Variants in CACNG3 observed in about 807,000 individuals in gnomAD.
CACNG3 encodes the protein calcium voltage-gated channel auxiliary subunit gamma 3.
In CACNG3, 3 loss-of-function variants were observed where a neutral mutation model predicts 28.5. The ratio of observed to expected loss-of-function variants is 0.11; its 90% CI spans 0.05 to 0.27. CACNG3 has a LOEUF of 0.27. CACNG3 is among the 10% of genes least tolerant of loss of function. The probability of loss-of-function intolerance (pLI) is 1.00; values close to 1 mark genes in which losing one functional copy is unlikely to be tolerated. For synonymous variants in CACNG3, 174 were observed against 162.2 expected (o/e 1.07, Z -0.55); for missense variants, 236 against 414.4 (o/e 0.57, Z 3.74).
intron 1 of CACNG3, among the ~76,000 whole-genome samples, chr16:24,341,758 G>A (rs576444604): frequency 6.6e-6 from 1 of 152,144 alleles, no homozygotes; most frequent in African/African-American, 2.4e-5. Flanking sequence ...TTCGGGGGTT[G>A]CAAACTCAAA....
intron 1 of CACNG3, among the ~76,000 whole-genome samples, chr16:24,327,914 A>T (rs1899579516): frequency 6.6e-6 from 1 of 152,096 alleles, no homozygotes. Context: ...TGCACTCCTG[A>T]GTGTCACAGA....
Position 24,354,945 on chromosome 16 carries a change from C to T in CACNG3, c.408C>T (p.Leu136=), listed in dbSNP as rs1033444195. ...ACCGCAGCAGACACAACGTCATTCT[C>T]AGCGCGGGCATCTTTTTTGTCTCTG... ...EFHRSRHNVI[L]SAGIFFVSAG... The change falls in exon 3 of 4, where the codon CTC becomes CTT. Residue 136 remains leucine, a synonymous_variant. Transcript: ENST00000005284. The T allele has an allele frequency of 6.2e-7, 1 of 1,612,830 alleles. No individual in the cohort carries two copies. The highest frequency in any genetic ancestry group is 8.5e-7 in the Non-Finnish European group (1 of 1,180,008).
chr16:24,352,395 A>G (rs1379389015), intron 2 of CACNG3, among the ~76,000 whole-genome samples: 3 of 152,066 alleles, frequency 2.0e-5, no homozygotes, highest in Non-Finnish European at 4.4e-5. Context: ...CCAATCCATC[A>G]GCGAATTCTG....
intron 1 of CACNG3, among the ~76,000 whole-genome samples, chr16:24,342,948 A>T (rs1596649639): frequency 6.6e-6 from 1 of 151,954 alleles, no homozygotes; most frequent in Non-Finnish European, 1.5e-5. Flanking sequence ...CCAGCACTTC[A>T]GGAGGCTGAG....
At chr16:24,306,122 G>T (rs746021618) in intron 1 of CACNG3, among the ~76,000 whole-genome samples, 10 of 152,204 alleles carry the variant, frequency 6.6e-5, no homozygotes, top group Non-Finnish European at 1.0e-4. Flanking sequence ...TTCCTCTGGT[G>T]CCATTCACCC....
At chr16:24,308,906 A>G (rs1264079111) in intron 1 of CACNG3, among the ~76,000 whole-genome samples, 1 of 151,696 alleles carries the variant, frequency 6.6e-6, no homozygotes, top group Non-Finnish European at 1.5e-5. Flanking sequence ...TAATATTATC[A>G]TTAGTAAAAG....
chr16:24,302,312 G>A (rs1225837251), intron 1 of CACNG3, among the ~76,000 whole-genome samples: 1 of 152,150 alleles, frequency 6.6e-6, no homozygotes, highest in African/African-American at 2.4e-5. Flanking sequence ...CACAGCCAAA[G>A]CCTTGCTACT....
intron 2 of CACNG3, among the ~76,000 whole-genome samples, chr16:24,353,449 CTT>C (rs1443134642): frequency 6.6e-6 from 1 of 152,222 alleles, no homozygotes; most frequent in Admixed American, 6.5e-5. Flanking sequence ...AGAAAATACT[CTT>C]ATACTGGATG....
chr16:24,256,710 C>G lies in CACNG3; in HGVS notation c.-45C>G, dbSNP rs754955162. 15 of 1,335,338 alleles carry G rather than the reference C, an allele frequency of 1.1e-5. No individual in the cohort carries two copies. The Admixed American group carries it at 2.3e-4, about 21-fold the overall frequency. 82.7% of individuals were successfully genotyped at this position (1,335,338 alleles called of 1,614,324 possible). On this transcript the variant is annotated 5_prime_UTR_variant, in exon 1 of 4. Coordinates refer to ENST00000005284, the MANE Select transcript of CACNG3 (RefSeq NM_006539.4). The surrounding 1 kb of genome is among the most constrained non-coding windows in gnomAD (Gnocchi z 4.6). ...GAGTGATTTTCCCCTCCGGCACTGA[C>G]TCTCCCCCTCCAACCCCCAGCCGTC...
chr16:24,329,650 C>T (rs1020382638), intron 1 of CACNG3, among the ~76,000 whole-genome samples: 15 of 152,138 alleles, frequency 9.9e-5, no homozygotes, highest in Non-Finnish European at 1.6e-4. Context: ...GAAAGTGTCA[C>T]ATTAGGGTCA....
chr16:24,312,364 A>C (rs115244664), intron 1 of CACNG3, among the ~76,000 whole-genome samples: 183 of 152,350 alleles, frequency 1.2e-3, no homozygotes, highest in African/African-American at 4.0e-3. Flanking sequence ...TATGACGTCC[A>C]AAGTCAGATT....
intron 2 of CACNG3, among the ~76,000 whole-genome samples, chr16:24,351,623 AGGG>A (rs1567225361): frequency 1.8e-5 from 1 of 56,906 alleles, no homozygotes; most frequent in African/African-American, 7.7e-5. Context: ...AAGGGGAAGG[AGGG>A]GAAGGGGAAG....
intron 1 of CACNG3, among the ~76,000 whole-genome samples, chr16:24,263,265 C>G (rs184927008): frequency 1.3e-5 from 2 of 152,034 alleles, no homozygotes; most frequent in African/African-American, 4.8e-5. Flanking sequence ...TATTTCAAAA[C>G]CTTTTCACTG....
chr16:24,331,142 C>A (rs148445039), intron 1 of CACNG3, among the ~76,000 whole-genome samples: 2 of 152,220 alleles, frequency 1.3e-5, no homozygotes, highest in East Asian at 3.9e-4. Context: ...GGTGAACATG[C>A]CCTGTGGTCT....
chr16:24,327,397 A>T (rs1899565477), intron 1 of CACNG3, among the ~76,000 whole-genome samples: 1 of 141,660 alleles, frequency 7.1e-6, no homozygotes, highest in South Asian at 2.3e-4. Context: ...GGGCAAAATA[A>T]GAACTTGTTT....
At chr16:24,349,019 G>C (rs769460565) in intron 2 of CACNG3, among the ~76,000 whole-genome samples, 1 of 152,182 alleles carries the variant, frequency 6.6e-6, no homozygotes, top group Non-Finnish European at 1.5e-5. Flanking sequence ...AGCAGAATTG[G>C]GCTAAGGTTA....
intron 1 of CACNG3, among the ~76,000 whole-genome samples, chr16:24,285,805 T>C (rs995067237): frequency 1.3e-5 from 2 of 151,496 alleles, no homozygotes; most frequent in South Asian, 4.2e-4. Context: ...ACCATGGCTA[T>C]CCTTCTGGTT....
At chr16:24,313,649 A>G (rs1899306492) in intron 1 of CACNG3, among the ~76,000 whole-genome samples, 1 of 151,940 alleles carries the variant, frequency 6.6e-6, no homozygotes, top group Admixed American at 6.6e-5. Flanking sequence ...ATATACAGAC[A>G]AGGTCTTATA....
chr16:24,315,297 C>T (rs1429995744), intron 1 of CACNG3, among the ~76,000 whole-genome samples: 2 of 152,082 alleles, frequency 1.3e-5, no homozygotes, highest in Non-Finnish European at 2.9e-5. Context: ...GGAAGGGTCT[C>T]CTCCGAATCC....
Sources: allele counts gnomAD v4.1 joint callset (sites outside exome capture counted in the v4.1 genomes callset), GRCh38; gene constraint gnomAD v4.1.1; non-coding constraint Gnocchi (gnomAD v3.1); transcripts MANE v1.5; gene names NCBI Gene and HGNC (gene_info 2026-07-23, HGNC 2026-07-21).